Variants in CAB39 observed in about 807,000 individuals in gnomAD.
The protein encoded by CAB39 is calcium binding protein 39, also known as calcium-binding protein 39.
Under a neutral mutation model 40.0 loss-of-function variants are expected in CAB39, and 8 were observed. The observed-to-expected ratio is 0.20, with a 90% CI of 0.12 to 0.36. CAB39 has a LOEUF of 0.36. Among genes scored for constraint, CAB39 ranks in the 10% least tolerant of loss-of-function variants. The probability of loss-of-function intolerance (pLI) is 1.00; values close to 1 mark genes in which losing one functional copy is unlikely to be tolerated. For missense variants in CAB39, 270 were observed against 401.1 expected (o/e 0.67, Z 2.79); for synonymous variants, 156 against 141.6 (o/e 1.10, Z -0.72).
At chr2:230,806,389 A>G (rs546203863) in intron 5 of CAB39, among the ~76,000 whole-genome samples, 247 of 152,276 alleles carry the variant, frequency 1.6e-3, no homozygotes, top group Non-Finnish European at 2.5e-3. Flanking sequence ...ACCACGTAGT[A>G]TGTAACCTAA....
rs372287144 is a variant in CAB39 at position 230,759,914 on chromosome 2, G to A, written c.-43-45G>A. On this transcript the variant is annotated intron_variant, in intron 1 of 8. Coordinates refer to ENST00000258418, the MANE Select transcript of CAB39 (RefSeq NM_016289.4). Reference sequence around the variant, plus strand: ...TTAGGATTTAGAAAGTCTGTCTTCCGTTGATCCCAGTGTTTGCTCACATGA... The same window carrying A: ...TTAGGATTTAGAAAGTCTGTCTTCCATTGATCCCAGTGTTTGCTCACATGA... 6.6e-4 allele frequency: 428 copies of A among 646,640 alleles called. 3 individuals are homozygous for A. The South Asian group carries it at 9.2e-3, about 14-fold the overall frequency. 40.1% of individuals were successfully genotyped at this position (646,640 alleles called of 1,614,324 possible).
chr2:230,802,801 G>T (rs531237045), intron 5 of CAB39, among the ~76,000 whole-genome samples: 2 of 152,108 alleles, frequency 1.3e-5, no homozygotes, highest in Non-Finnish European at 2.9e-5. Context: ...AGGACCAGAC[G>T]GATTCACAGC....
At chr2:230,809,654 C>A (rs1696270388) in intron 5 of CAB39, among the ~76,000 whole-genome samples, 1 of 152,166 alleles carries the variant, frequency 6.6e-6, no homozygotes, top group South Asian at 2.1e-4. Flanking sequence ...GCATAGGGTT[C>A]TGTTTCATGG....
chr2:230,811,862 C>T (rs558844174), intron 6 of CAB39, among the ~76,000 whole-genome samples: 2 of 152,352 alleles, frequency 1.3e-5, no homozygotes, highest in South Asian at 4.1e-4. Context: ...ACATTTGCTA[C>T]AGTGAAATCT....
rs575301080 is a variant in CAB39 at position 230,734,549 on chromosome 2, A to G, written c.-44+21319A>G. On this transcript the variant is annotated intron_variant, in intron 1 of 8. Transcript: ENST00000258418. Reference sequence around the variant, plus strand: ...GAAATGGTTCTGGGGGTGATATAGAATGACCCTATGACCCTTCCGAGGATT... The same window carrying G: ...GAAATGGTTCTGGGGGTGATATAGAGTGACCCTATGACCCTTCCGAGGATT... 1.8e-4 allele frequency among the ~76,000 whole-genome samples: 27 copies of G among 152,218 alleles called. No homozygotes were observed. In the South Asian group the frequency reaches 5.4e-3, roughly 30 times the overall value.
intron 3 of CAB39, among the ~76,000 whole-genome samples, chr2:230,792,169 T>C (rs989009764): frequency 6.6e-6 from 1 of 152,246 alleles, no homozygotes; most frequent in Non-Finnish European, 1.5e-5. Flanking sequence ...ATTTCATAGC[T>C]GATTTCATGT....
intron 5 of CAB39, among the ~76,000 whole-genome samples, chr2:230,809,486 C>G (rs1296691463): frequency 6.6e-6 from 1 of 152,178 alleles, no homozygotes; most frequent in African/African-American, 2.4e-5. Flanking sequence ...CATTCTCTTT[C>G]CCACCCAGTG....
chr2:230,803,410 A>G lies in CAB39; in HGVS notation c.567+4513A>G, dbSNP rs565332157. ...AGTGTTGGAAGTTCTGGCCAGGGCA[A>G]TCAGGCAAGAGAAGGAAATAAAGGG... On this transcript the variant is annotated intron_variant, in intron 5 of 8. Transcript: ENST00000258418. 2.0e-4 allele frequency among the ~76,000 whole-genome samples: 30 copies of G among 152,352 alleles called. No homozygotes were observed. In the East Asian group the frequency reaches 2.1e-3, roughly 11 times the overall value.
At chr2:230,787,812 A>G (rs1299595760) in intron 2 of CAB39, among the ~76,000 whole-genome samples, 4 of 152,172 alleles carry the variant, frequency 2.6e-5, no homozygotes, top group Non-Finnish European at 5.9e-5. Flanking sequence ...TTTAGGGAAG[A>G]TAGGCAGGCT....
At chr2:230,732,175 G>A (rs935127251) in intron 1 of CAB39, among the ~76,000 whole-genome samples, 5 of 151,870 alleles carry the variant, frequency 3.3e-5, no homozygotes, top group Non-Finnish European at 5.9e-5. Flanking sequence ...TCCGCCTCCC[G>A]GGTCCACGCC....
intron 1 of CAB39, among the ~76,000 whole-genome samples, chr2:230,743,991 C>T (rs1236308664): frequency 6.6e-6 from 1 of 150,516 alleles, no homozygotes; most frequent in Admixed American, 6.6e-5. Flanking sequence ...ACGATCTCAG[C>T]TCACTGCAAA....
At chr2:230,736,409 C>T (rs1484098887) in intron 1 of CAB39, among the ~76,000 whole-genome samples, 1 of 152,116 alleles carries the variant, frequency 6.6e-6, no homozygotes, top group Non-Finnish European at 1.5e-5. Flanking sequence ...TCATCTTCCA[C>T]GTCACCCCAG....
At chr2:230,801,015 G>A (rs138281866) in intron 5 of CAB39, among the ~76,000 whole-genome samples, 6 of 152,262 alleles carry the variant, frequency 3.9e-5, no homozygotes, top group African/African-American at 1.2e-4. Context: ...TAAAGAGGAA[G>A]CTTCATAAAA....
At chr2:230,782,809 CTTTCTTTT>C (rs1468988877) in intron 2 of CAB39, among the ~76,000 whole-genome samples, 1 of 112,432 alleles carries the variant, frequency 8.9e-6, no homozygotes, top group Non-Finnish European at 1.7e-5. Flanking sequence ...TTCTTTCTTT[CTTTCTTTT>C]TTTTTTTTTT....
chr2:230,774,139 C>T (rs1182502081), intron 2 of CAB39, among the ~76,000 whole-genome samples: 4 of 152,156 alleles, frequency 2.6e-5, no homozygotes, highest in Admixed American at 6.5e-5. Flanking sequence ...GAGTCAAAGA[C>T]GGAATTCACA....
In CAB39 at chr2:230,818,758, C is replaced by T. The variant is rs1431148624; in HGVS notation, c.*54C>T. 5.2e-6 allele frequency: 7 copies of T among 1,350,794 alleles called. No homozygotes were observed. The highest frequency in any genetic ancestry group is 7.3e-6 in the Non-Finnish European group (7 of 955,164). 83.7% of individuals were successfully genotyped at this position (1,350,794 alleles called of 1,614,324 possible). ...AATTCAGCATTTGCTGTTAGCTATT[C>T]AGCATCAGGCACTCTTATTGATTCA... On this transcript the variant is annotated 3_prime_UTR_variant, in exon 9 of 9. Coordinates refer to ENST00000258418, the MANE Select transcript of CAB39 (RefSeq NM_016289.4).
At chr2:230,742,994 CAT>C (rs138746251) in intron 1 of CAB39, among the ~76,000 whole-genome samples, 19 of 152,312 alleles carry the variant, frequency 1.2e-4, no homozygotes, top group African/African-American at 4.3e-4. Flanking sequence ...ATTTTCCTCT[CAT>C]ATGTGGTATA....
intron 1 of CAB39, among the ~76,000 whole-genome samples, chr2:230,758,039 C>G (rs1245385366): frequency 6.6e-6 from 1 of 152,150 alleles, no homozygotes; most frequent in Non-Finnish European, 1.5e-5. Context: ...TGGCTCACAC[C>G]TGTAATCCCA....
At chr2:230,744,151 T>G (rs996773913) in intron 1 of CAB39, among the ~76,000 whole-genome samples, 1 of 152,162 alleles carries the variant, frequency 6.6e-6, no homozygotes, top group African/African-American at 2.4e-5. Context: ...ACTCCTGACC[T>G]CAAGTGATCC....
Sources: gnomAD v4.1 joint callset for allele counts (sites outside exome capture counted in the v4.1 genomes callset) on GRCh38, gnomAD v4.1.1 for gene constraint, MANE v1.5 for transcripts, NCBI Gene and HGNC (gene_info 2026-07-23, HGNC 2026-07-21) for gene names.